Variants in ARID1B observed in about 807,000 individuals in gnomAD.
ARID1B encodes the protein AT-rich interaction domain 1B, also known as AT-rich interactive domain-containing protein 1B.
In ARID1B, 30 loss-of-function variants were observed where a neutral mutation model predicts 212.3. The observed-to-expected ratio is 0.14, with a 90% CI of 0.11 to 0.19. ARID1B has a LOEUF of 0.19. ARID1B is among the 10% of genes least tolerant of loss of function. The pLI is 1.00. For missense variants in ARID1B, 2,891 were observed against 3,204.0 expected, an observed-to-expected ratio of 0.90 and a Z score of 2.36; for synonymous variants, 1,402 against 1,301.7, an observed-to-expected ratio of 1.08 and a Z score of -1.66.
intron 4 of ARID1B, among the ~76,000 whole-genome samples, chr6:156,959,349 A>G (rs748721894): frequency 6.6e-6 from 1 of 152,186 alleles, no homozygotes; most frequent in Non-Finnish European, 1.5e-5. Context: ...GATTACTTAT[A>G]ATAACTAATA....
chr6:157,016,325 C>A, intron 4 of ARID1B, among the ~76,000 whole-genome samples: 1 of 152,152 alleles, frequency 6.6e-6, no homozygotes, highest in African/African-American at 2.4e-5. Flanking sequence ...CCCCCCACCC[C>A]AAATATCTAG....
At chr6:157,095,277 G>A (rs770730387) in intron 5 of ARID1B, among the ~76,000 whole-genome samples, 17 of 152,200 alleles carry the variant, frequency 1.1e-4, no homozygotes, top group Non-Finnish European at 1.6e-4. Context: ...CAACATGCCT[G>A]GGAAAGGACC....
At chr6:156,788,614 GTC>G (rs1168758861) in intron 1 of ARID1B, among the ~76,000 whole-genome samples, 1 of 152,132 alleles carries the variant, frequency 6.6e-6, no homozygotes, top group African/African-American at 2.4e-5. Context: ...CTAGACTTTG[GTC>G]TCTCATTAGC....
At chr6:157,139,232 C>G (rs1277553454) in intron 7 of ARID1B, among the ~76,000 whole-genome samples, 3 of 152,162 alleles carry the variant, frequency 2.0e-5, no homozygotes, top group East Asian at 1.9e-4. Context: ...ACCGTGTGAC[C>G]GAGCGCACCA....
intron 3 of ARID1B, among the ~76,000 whole-genome samples, chr6:156,906,876 T>A (rs374517975): frequency 2.5e-4 from 38 of 152,320 alleles, no homozygotes; most frequent in African/African-American, 8.2e-4. Flanking sequence ...ACATACCTTA[T>A]TTTTTGTTGC....
At chr6:156,909,325 C>G (rs1340251434) in intron 3 of ARID1B, among the ~76,000 whole-genome samples, 1 of 151,910 alleles carries the variant, frequency 6.6e-6, no homozygotes, top group Non-Finnish European at 1.5e-5. Flanking sequence ...GGGGTTTCAC[C>G]ATGTTGGCCA....
chr6:156,865,979 C>A (rs1785658592), intron 2 of ARID1B, among the ~76,000 whole-genome samples: 1 of 151,870 alleles, frequency 6.6e-6, no homozygotes, highest in African/African-American at 2.4e-5. Context: ...TTGTTTTGGT[C>A]CCTATTTTTA....
At chr6:156,932,115 T>C (rs1317209427) in intron 3 of ARID1B, among the ~76,000 whole-genome samples, 1 of 109,096 alleles carries the variant, frequency 9.2e-6, no homozygotes, top group Non-Finnish European at 1.7e-5. Flanking sequence ...GAGCCACAGA[T>C]CGAGACCTTG....
chr6:157,055,071 G>A (rs993726692), intron 4 of ARID1B, among the ~76,000 whole-genome samples: 18 of 152,206 alleles, frequency 1.2e-4, no homozygotes, highest in African/African-American at 4.1e-4. Flanking sequence ...GGAAGTAGGG[G>A]GGCTTTCCAG....
intron 1 of ARID1B, among the ~76,000 whole-genome samples, chr6:156,799,341 A>G (rs1780616350): frequency 6.6e-6 from 1 of 152,222 alleles, no homozygotes; most frequent in South Asian, 2.1e-4. Context: ...TTCTGACCCC[A>G]TTGCCTTTTC....
At chr6:156,815,839 G>C (rs570042646) in intron 1 of ARID1B, among the ~76,000 whole-genome samples, 1 of 152,178 alleles carries the variant, frequency 6.6e-6, no homozygotes, top group African/African-American at 2.4e-5. Flanking sequence ...TACCTAAGTA[G>C]GCCTGGGTAA....
chr6:157,057,097 C>T (rs543422800), intron 4 of ARID1B, among the ~76,000 whole-genome samples: 3 of 151,670 alleles, frequency 2.0e-5, no homozygotes, highest in African/African-American at 4.8e-5. Flanking sequence ...CCTGGGTTCA[C>T]GCCATTCTCC....
chr6:156,829,459 T>C (rs2128047688), intron 2 of ARID1B, 38 bp downstream of exon 2: 1 of 1,575,882 alleles, frequency 6.3e-7, no homozygotes, highest in Non-Finnish European at 8.6e-7. Context: ...TTTTTTGTAA[T>C]AGTTTTGTCT....
At chr6:156,944,422 C>G (rs1283590576) in intron 4 of ARID1B, among the ~76,000 whole-genome samples, 1 of 152,116 alleles carries the variant, frequency 6.6e-6, no homozygotes, top group Non-Finnish European at 1.5e-5. Context: ...CCTAGAGATT[C>G]CAGAGGTCCT....
At chr6:157,116,537 A>G (rs1284705837) in intron 6 of ARID1B, among the ~76,000 whole-genome samples, 1 of 149,826 alleles carries the variant, frequency 6.7e-6, no homozygotes, top group Non-Finnish European at 1.5e-5. Context: ...AATAATTAGA[A>G]GGTCATAATG....
chr6:157,047,391 T>C (rs561228433), intron 4 of ARID1B, among the ~76,000 whole-genome samples: 1 of 152,324 alleles, frequency 6.6e-6, no homozygotes, highest in East Asian at 1.9e-4. Flanking sequence ...TCAGAGGAGT[T>C]CTTGGTGTAA....
intron 4 of ARID1B, among the ~76,000 whole-genome samples, chr6:157,012,592 G>A (rs559345950): frequency 5.6e-4 from 85 of 152,274 alleles, no homozygotes; most frequent in African/African-American, 2.0e-3. Context: ...TTATTGGGTT[G>A]GTATACTGTA....
At chr6:157,162,742 A>C (rs987286440) in intron 8 of ARID1B, among the ~76,000 whole-genome samples, 7 of 152,182 alleles carry the variant, frequency 4.6e-5, no homozygotes, top group African/African-American at 1.4e-4. Context: ...GCTGTGGTCT[A>C]ACCCTGGCCC....
intron 3 of ARID1B, among the ~76,000 whole-genome samples, chr6:156,913,037 ACTTG>A (rs1243401707): frequency 1.5e-4 from 15 of 102,634 alleles, no homozygotes; most frequent in Non-Finnish European, 3.1e-4. Context: ...TTTTTTTTTC[ACTTG>A]CTTTGTAAAT....
Sources: gnomAD v4.1 joint callset for allele counts (sites outside exome capture counted in the v4.1 genomes callset) on GRCh38, gnomAD v4.1.1 for gene constraint, MANE v1.5 for transcripts, NCBI Gene and HGNC (gene_info 2026-07-23, HGNC 2026-07-21) for gene names.